Variants in LRRC31 observed in about 807,000 individuals in gnomAD.
The protein encoded by LRRC31 is leucine rich repeat containing 31.
In LRRC31, 35 loss-of-function variants were observed where a neutral mutation model predicts 46.7. The observed-to-expected ratio is 0.75, with a 90% CI of 0.57 to 0.99. The LOEUF (loss-of-function observed/expected upper bound fraction) is 0.99. LRRC31 is among the 50% of genes least tolerant of loss of function. The pLI, the probability that LRRC31 is intolerant of heterozygous loss-of-function variation, is 0.00. For synonymous variants in LRRC31, 236 were observed against 235.1 expected (o/e 1.00, Z -0.03); for missense variants, 613 against 626.1 (o/e 0.98, Z 0.22).
intron 4 of LRRC31, 100 bp downstream of exon 4, chr3:169,856,605 T>A: frequency 8.8e-6 from 12 of 1,370,436 alleles, no homozygotes; most frequent in Non-Finnish European, 1.2e-5. Context: ...CCCTCCTACA[T>A]ACCCTTCTTT....
chr3:169,845,009 G>A (rs6785618), intron 8 of LRRC31, among the ~76,000 whole-genome samples: 43,767 of 151,120 alleles, frequency 0.29, 6,781 homozygotes, highest in East Asian at 0.62. Flanking sequence ...AATCCTACAG[G>A]ATCTACCAAA....
intron 1 of LRRC31, 77 bp downstream of exon 1, chr3:169,869,556 A>G: frequency 7.4e-7 from 1 of 1,349,916 alleles, no homozygotes; most frequent in South Asian, 1.7e-5. Context: ...ACAAAAATTA[A>G]AAATAAAAAT....
chr3:169,844,261 C>T (rs1780535404), intron 8 of LRRC31, among the ~76,000 whole-genome samples: 1 of 151,996 alleles, frequency 6.6e-6, no homozygotes. Flanking sequence ...TACATAATGA[C>T]CATGACCAGG....
intron 7 of LRRC31, among the ~76,000 whole-genome samples, chr3:169,849,990 C>T (rs1013368054): frequency 2.0e-5 from 3 of 151,976 alleles, no homozygotes; most frequent in Admixed American, 6.6e-5. Flanking sequence ...CTTTTTTGCC[C>T]CCATACACGT....
At chr3:169,840,855 A>G (rs1405445033) in intron 8 of LRRC31, among the ~76,000 whole-genome samples, 1 of 152,268 alleles carries the variant, frequency 6.6e-6, no homozygotes, top group Non-Finnish European at 1.5e-5. Flanking sequence ...GCACTTAAAA[A>G]TGATGACTAA....
chr3:169,854,251 T>TA (rs904461286), intron 6 of LRRC31, among the ~76,000 whole-genome samples: 2 of 152,220 alleles, frequency 1.3e-5, no homozygotes, highest in African/African-American at 4.8e-5. Flanking sequence ...ACAGGTGGGA[T>TA]AAAACCCTTA....
intron 8 of LRRC31, among the ~76,000 whole-genome samples, chr3:169,844,449 G>A (rs986213939): frequency 2.0e-5 from 3 of 151,594 alleles, no homozygotes; most frequent in African/African-American, 7.3e-5. Flanking sequence ...CCTGATAAAG[G>A]GTAGCTACAA....
chr3:169,866,168 T>C (rs1278443428), intron 1 of LRRC31, among the ~76,000 whole-genome samples: 1 of 152,028 alleles, frequency 6.6e-6, no homozygotes, highest in East Asian at 1.9e-4. Flanking sequence ...ATTATGGCAG[T>C]GTAGAGGACA....
At position 169,854,923 on chromosome 3, in the gene LRRC31, T is replaced by A. The variant is rs1012899407; in HGVS notation, c.881A>T (p.Asp294Val). Residue 294 changes from aspartate to valine, a missense_variant, in exon 6 of 9, where the codon GAT (aspartate) becomes GTT (valine). Transcript: ENST00000316428. ...CGAGTCTTCAAAACCTCCACCTAGA[T>A]CCTTATTGCAGGAAAGATCTAATTT... Reference protein sequence around the residue: ...LRKLDLSCNKDLGGGFEDSPA... With the variant: ...LRKLDLSCNKVLGGGFEDSPA... 4 of 1,613,336 alleles carry A rather than the reference T, an allele frequency of 2.5e-6. No individual in the cohort carries two copies. The highest frequency in any genetic ancestry group is 2.2e-5 in the South Asian group (2 of 91,070).
chr3:169,856,697 C>T lies in LRRC31; in HGVS notation c.655+8G>A, dbSNP rs1378718839. 3 of 1,548,040 alleles carry T rather than the reference C, an allele frequency of 1.9e-6. No individual in the cohort carries two copies. Among genetic ancestry groups the T allele is most frequent in the East Asian group, 4.6e-5 (2 of 43,286 alleles). On this transcript the variant is annotated splice_region_variant and intron_variant, in intron 4 of 8. Transcript: ENST00000316428. ...CACTTTTTTTTTTTCTCTTCAAATT[C>T]CACTTACCCAGAAATGTCCCATCTT...
Position 169,861,662 on chromosome 3 carries a change from A to G in LRRC31, c.319+8T>C. The stretch of plus-strand genomic sequence containing the variant: ...TCTTCCTCTATGCAAAGTCTGCTGC[A>G]TACAGACCCATTTCTTTCATGTCCG... On this transcript the variant is annotated splice_region_variant and intron_variant, in intron 2 of 8. Transcript: ENST00000316428. The G allele has an allele frequency of 6.2e-7, 1 of 1,613,764 alleles. No homozygotes were observed. The highest frequency in any genetic ancestry group is 8.5e-7 in the Non-Finnish European group (1 of 1,179,908).
chr3:169,845,860 C>A (rs938247917), intron 8 of LRRC31, among the ~76,000 whole-genome samples: 1 of 151,930 alleles, frequency 6.6e-6, no homozygotes, highest in Non-Finnish European at 1.5e-5. Context: ...AAATCTTTAT[C>A]AAAACTGAAA....
chr3:169,860,792 T>A, intron 2 of LRRC31, 64 bp from the exon 3 acceptor site: 1 of 1,496,494 alleles, frequency 6.7e-7, no homozygotes, highest in Non-Finnish European at 9.3e-7. Context: ...GTAAATAAAA[T>A]GCAATGCTTA....
chr3:169,852,285 T>C lies in LRRC31; in HGVS notation c.992-499A>G, dbSNP rs925667074. ...GGGCGCAGTGGCGGGCGCCTGTAGT[T>C]CCAGCTACTCGGGAGGCTGAGACAG... On this transcript the variant is annotated intron_variant, in intron 6 of 8. Coordinates refer to ENST00000316428, the MANE Select transcript of LRRC31 (RefSeq NM_024727.4). Among the ~76,000 whole-genome samples, 7 of 150,442 alleles carry C rather than the reference T, an allele frequency of 4.7e-5. No homozygotes were observed. The South Asian group carries it at 1.3e-3, about 27-fold the overall frequency.
At chr3:169,842,133 T>A (rs1780471471) in intron 8 of LRRC31, among the ~76,000 whole-genome samples, 1 of 152,138 alleles carries the variant, frequency 6.6e-6, no homozygotes, top group South Asian at 2.1e-4. Flanking sequence ...TTATATTTTA[T>A]TATTTTAGAT....
chr3:169,866,769 G>A (rs1781344664), intron 1 of LRRC31, among the ~76,000 whole-genome samples: 1 of 152,016 alleles, frequency 6.6e-6, no homozygotes, highest in Non-Finnish European at 1.5e-5. Flanking sequence ...AGATCAGCCT[G>A]GCCCACAAGG....
At position 169,869,700 on chromosome 3, in the gene LRRC31, G is replaced by GTCC. The variant is rs767709969; in HGVS notation, c.105_107dup (p.Glu35dup). ...GGGAATCACTTGTTTTAAGGTCATT[G>GTCC]TCCTCTTTTCTGCTTTCAGCATTGG... On this transcript the variant is annotated inframe_insertion, in exon 1 of 9. Transcript: ENST00000316428. 1 of 1,613,088 alleles carries GTCC rather than the reference G, an allele frequency of 6.2e-7. No individual in the cohort carries two copies. The highest frequency in any genetic ancestry group is 1.7e-5 in the Admixed American group (1 of 59,926).
intron 5 of LRRC31, 139 bp downstream of exon 5, chr3:169,856,197 A>G (rs969547833): frequency 2.5e-5 from 9 of 355,788 alleles, no homozygotes; most frequent in Non-Finnish European, 3.9e-5. Context: ...GGAGATTTCA[A>G]TTACCCATAA....
At chr3:169,841,454 G>C (rs1003594214) in intron 8 of LRRC31, among the ~76,000 whole-genome samples, 1 of 152,142 alleles carries the variant, frequency 6.6e-6, no homozygotes, top group East Asian at 1.9e-4. Context: ...GTGAATTTGA[G>C]AGCTCAGCCA....
Sources: gnomAD v4.1 joint callset for allele counts (sites outside exome capture counted in the v4.1 genomes callset) on GRCh38, gnomAD v4.1.1 for gene constraint, MANE v1.5 for transcripts, NCBI Gene and HGNC (gene_info 2026-07-23, HGNC 2026-07-21) for gene names.